The following HDAC9 variants were observed in gnomAD, a reference collection of about 807,000 sequenced individuals.
HDAC9 encodes MEF-2 interacting transcription repressor (MITR) protein.
A neutral mutation model predicts 139.4 loss-of-function variants in HDAC9; 41 were observed. The ratio of observed to expected loss-of-function variants is 0.29; its 90% CI spans 0.23 to 0.38. The LOEUF is 0.38. HDAC9 is among the 10% of genes least tolerant of loss of function. The pLI is 1.00. For missense variants in HDAC9, 1,147 were observed against 1,297.0 expected, an observed-to-expected ratio of 0.88 and a Z score of 1.78; for synonymous variants, 517 against 476.2, an observed-to-expected ratio of 1.09 and a Z score of -1.12.
intron 2 of HDAC9, among the ~76,000 whole-genome samples, chr7:18,226,370 A>G (rs141326103): frequency 6.6e-6 from 1 of 152,080 alleles, no homozygotes; most frequent in Non-Finnish European, 1.5e-5. Flanking sequence ...GACATACAGC[A>G]CCTGGAGGTT....
At chr7:18,428,037 C>T (rs753988359) in intron 1 of HDAC9, among the ~76,000 whole-genome samples, 1 of 152,142 alleles carries the variant, frequency 6.6e-6, no homozygotes. Context: ...CCTCAAGTTC[C>T]ATTCATTTTG....
chr7:18,461,027 C>G (rs1793798729), intron 1 of HDAC9, among the ~76,000 whole-genome samples: 2 of 152,096 alleles, frequency 1.3e-5, no homozygotes, highest in African/African-American at 4.8e-5. Context: ...AAGCGGCACT[C>G]TTTCTGTGGG....
intron 12 of HDAC9, among the ~76,000 whole-genome samples, chr7:18,683,773 TAAC>T (rs770294750): frequency 1.3e-3 from 199 of 152,194 alleles, no homozygotes; most frequent in Non-Finnish European, 2.2e-3. Context: ...CTCTGCTTGT[TAAC>T]AAACTGGAGG....
chr7:18,690,355 G>A (rs983935570), intron 12 of HDAC9, among the ~76,000 whole-genome samples: 3 of 152,062 alleles, frequency 2.0e-5, no homozygotes, highest in Non-Finnish European at 4.4e-5. Context: ...AGGTGTATAC[G>A]TATATTTTGG....
chr7:18,745,031 T>C (rs568898090), intron 13 of HDAC9, among the ~76,000 whole-genome samples: 1 of 152,302 alleles, frequency 6.6e-6, no homozygotes, highest in East Asian at 1.9e-4. Context: ...TATTGGCTTA[T>C]GTTATATTGC....
intron 12 of HDAC9, chr7:18,668,295 G>A: frequency 4.2e-6 from 4 of 959,442 alleles, no homozygotes; most frequent in Non-Finnish European, 5.0e-6. Flanking sequence ...ATTTTGGTTA[G>A]TATATTCCTT....
At chr7:18,655,374 A>G (rs991728351) in intron 11 of HDAC9, among the ~76,000 whole-genome samples, 7 of 152,170 alleles carry the variant, frequency 4.6e-5, no homozygotes, top group East Asian at 1.9e-4. Flanking sequence ...TTATTTATCT[A>G]TCTATAGAGG....
At chr7:18,210,466 G>T (rs936020609) in intron 2 of HDAC9, among the ~76,000 whole-genome samples, 2 of 151,980 alleles carry the variant, frequency 1.3e-5, no homozygotes, top group Non-Finnish European at 2.9e-5. Context: ...AATATAACTC[G>T]CATTTTACCT....
At chr7:18,387,615 A>G (rs1786061547) in intron 1 of HDAC9, among the ~76,000 whole-genome samples, 1 of 152,254 alleles carries the variant, frequency 6.6e-6, no homozygotes, top group African/African-American at 2.4e-5. Flanking sequence ...TAGTACTCCT[A>G]GCCAAGCCAG....
chr7:18,152,463 C>T (rs1786852533), intron 1 of HDAC9, among the ~76,000 whole-genome samples: 1 of 152,102 alleles, frequency 6.6e-6, no homozygotes, highest in African/African-American at 2.4e-5. Flanking sequence ...TGTTGTTTCT[C>T]TTGTGCTTCT....
chr7:18,643,840 G>C (rs1396529288), intron 8 of HDAC9, among the ~76,000 whole-genome samples: 1 of 151,894 alleles, frequency 6.6e-6, no homozygotes, highest in Non-Finnish European at 1.5e-5. Flanking sequence ...TGTTCCCTTG[G>C]GGACCATATC....
At chr7:18,322,256 A>T (rs1800086109) in intron 1 of HDAC9, among the ~76,000 whole-genome samples, 1 of 152,206 alleles carries the variant, frequency 6.6e-6, no homozygotes. Context: ...GAGCATCACA[A>T]TTTGAATTAC....
intron 2 of HDAC9, among the ~76,000 whole-genome samples, chr7:18,545,025 A>C (rs1335712275): frequency 6.6e-6 from 1 of 152,178 alleles, no homozygotes; most frequent in Non-Finnish European, 1.5e-5. Flanking sequence ...ATGCTGCTGA[A>C]CATCCTGCAA....
intron 23 of HDAC9, among the ~76,000 whole-genome samples, chr7:18,943,473 G>A (rs1217475808): frequency 6.6e-6 from 1 of 152,046 alleles, no homozygotes; most frequent in Admixed American, 6.6e-5. Context: ...TGCCATAGAT[G>A]TTTAAATATA....
intron 2 of HDAC9, chr7:18,543,582 T>G (rs746858854): frequency 6.6e-6 from 1 of 152,200 alleles, no homozygotes; most frequent in African/African-American, 2.4e-5. Context: ...CATCATATTT[T>G]CTGGTATTCA....
intron 1 of HDAC9, among the ~76,000 whole-genome samples, chr7:18,088,331 A>G (rs1781930174): frequency 1.3e-5 from 2 of 152,220 alleles, no homozygotes; most frequent in African/African-American, 4.8e-5. Flanking sequence ...ATATACAACT[A>G]AATACTCTTG....
At chr7:18,995,209 T>C (rs1376840274) in intron 25 of HDAC9, among the ~76,000 whole-genome samples, 1 of 152,178 alleles carries the variant, frequency 6.6e-6, no homozygotes, top group South Asian at 2.1e-4. Context: ...AATTAACAAA[T>C]GGCAGAGCTC....
intron 1 of HDAC9, among the ~76,000 whole-genome samples, chr7:18,135,095 T>C (rs915404439): frequency 6.6e-6 from 1 of 152,096 alleles, no homozygotes; most frequent in Non-Finnish European, 1.5e-5. Context: ...TGTGATAAAT[T>C]ATTTTACATC....
intron 1 of HDAC9, among the ~76,000 whole-genome samples, chr7:18,150,682 A>C (rs953437763): frequency 6.6e-6 from 1 of 152,190 alleles, no homozygotes; most frequent in Non-Finnish European, 1.5e-5. Context: ...GTATTCATCC[A>C]CATCACTCTC....
Sources: allele counts gnomAD v4.1 joint callset (sites outside exome capture counted in the v4.1 genomes callset), GRCh38; gene constraint gnomAD v4.1.1; transcripts MANE v1.5; gene names NCBI Gene and HGNC (gene_info 2026-07-23, HGNC 2026-07-21).